The following SLC44A2 variants were observed in gnomAD, a reference collection of about 807,000 sequenced individuals.
SLC44A2 encodes choline transporter-like protein 2.
In SLC44A2, 57 loss-of-function variants were observed where a neutral mutation model predicts 90.8. That is an observed-to-expected ratio of 0.63 (90% CI 0.51 to 0.78). The LOEUF (loss-of-function observed/expected upper bound fraction) is 0.78, where lower values mean the gene tolerates loss of function less well. SLC44A2 is among the 30% of genes least tolerant of loss of function. The pLI is 0.00. For missense variants in SLC44A2, 794 were observed against 919.7 expected, an observed-to-expected ratio of 0.86 and a Z score of 1.77; for synonymous variants, 355 against 360.7, an observed-to-expected ratio of 0.98 and a Z score of 0.18.
chr19:10,627,652 C>T (rs528718248), intron 2 of SLC44A2, 70 bp from the exon 3 acceptor site: 14 of 1,531,710 alleles, frequency 9.1e-6, no homozygotes, highest in Non-Finnish European at 1.3e-5. Context: ...AGGGTGTTTG[C>T]AGAGGGCAGA....
At chr19:10,614,640 T>C (rs2066840486) in intron 1 of SLC44A2, among the ~76,000 whole-genome samples, 1 of 152,150 alleles carries the variant, frequency 6.6e-6, no homozygotes. Context: ...GTCTCTGTAT[T>C]ATATATATCG....
upstream of SLC44A2, among the ~76,000 whole-genome samples, chr19:10,623,352 C>T (rs1057319541): frequency 2.0e-5 from 3 of 151,966 alleles, no homozygotes; most frequent in Non-Finnish European, 2.9e-5. Flanking sequence ...GCCCTGCCTG[C>T]GAGTCCTAGA....
chr19:10,627,704 T>C lies in SLC44A2; in HGVS notation c.87-18T>C. 1 of 1,612,350 alleles carries C rather than the reference T, an allele frequency of 6.2e-7. No homozygotes were observed. The highest frequency in any genetic ancestry group is 1.3e-5 in the African/African-American group (1 of 74,994). On this transcript the variant is annotated intron_variant, in intron 2 of 21. Transcript: ENST00000335757. Reference sequence around the variant, plus strand: ...ACAGCACCAAGCCTCCTCCAAACACTGCCCCTCTGCTCCCCAGGGGCTGCA... The same window carrying C: ...ACAGCACCAAGCCTCCTCCAAACACCGCCCCTCTGCTCCCCAGGGGCTGCA...
upstream of SLC44A2, among the ~76,000 whole-genome samples, chr19:10,623,985 G>A (rs556159006): frequency 4.6e-4 from 66 of 143,300 alleles, no homozygotes; most frequent in African/African-American, 1.6e-3. Flanking sequence ...CACCACACCC[G>A]GCTAATTTTT....
In SLC44A2 at chr19:10,627,902, C is replaced by T. The variant is rs780367015; in HGVS notation, c.161-18C>T. On this transcript the variant is annotated intron_variant, in intron 3 of 21. Coordinates refer to ENST00000335757, the MANE Select transcript of SLC44A2 (RefSeq NM_020428.4). The stretch of plus-strand genomic sequence containing the variant: ...CTGAGGAGTGGCAGTGTCTCAGTAT[C>T]CCTGGATCTTTCCACAGCCTGGACT... The T allele has an allele frequency of 1.9e-6, 3 of 1,613,306 alleles. No individual in the cohort carries two copies. In the Admixed American group the frequency reaches 5.0e-5, roughly 27 times the overall value.
chr19:10,627,256 G>A (rs1213758773), intron 2 of SLC44A2, among the ~76,000 whole-genome samples: 2 of 151,904 alleles, frequency 1.3e-5, no homozygotes, highest in East Asian at 3.9e-4. Context: ...GGGAGGTAGA[G>A]GTTGCAGTAA....
At position 10,625,570 on chromosome 19, in the gene SLC44A2, T is replaced by C. The variant is rs1377110476; in HGVS notation, c.-64T>C. ...GCGCGGTCAGTGCCTCCCTCCAGACTCGGGAGGGTCGAGGGGGCGCGGGAG... is the reference window on the plus strand; with the variant it reads ...GCGCGGTCAGTGCCTCCCTCCAGACCCGGGAGGGTCGAGGGGGCGCGGGAG... On this transcript the variant is annotated 5_prime_UTR_variant, in exon 1 of 22. Transcript: ENST00000335757. 5 of 1,233,676 alleles carry C rather than the reference T, an allele frequency of 4.1e-6. No individual in the cohort carries two copies. The highest frequency in any genetic ancestry group is 3.1e-5 in the African/African-American group (2 of 64,214). 76.4% of individuals were successfully genotyped at this position (1,233,676 alleles called of 1,614,324 possible). A position where few individuals can be genotyped will look rare whatever the true frequency, so the allele number is the denominator to read the frequency against.
upstream of SLC44A2, chr19:10,625,362 C>G: frequency 1.2e-6 from 1 of 840,188 alleles, no homozygotes. Context: ...AGGGTGAAGC[C>G]GCAGGGTTCC....
At chr19:10,642,715 G>A (rs532809533) in intron 21 of SLC44A2, among the ~76,000 whole-genome samples, 3 of 152,134 alleles carry the variant, frequency 2.0e-5, no homozygotes, top group Admixed American at 2.0e-4. Context: ...GGCTTTGACT[G>A]GGGGGAGGGG....
In SLC44A2 at chr19:10,631,472, C is replaced by T. The variant is rs201605858; in HGVS notation, c.442-3C>T. 5.6e-4 allele frequency: 897 copies of T among 1,613,964 alleles called. 1 individual carries two copies. The highest frequency in any genetic ancestry group is 7.3e-4 in the Non-Finnish European group (859 of 1,180,038). ...ACTCACCTCCCTCCATCTCTCTTGG[C>T]AGGGAGTGGCTGAGGTGCTTCAAGA... On this transcript the variant is annotated splice_polypyrimidine_tract_variant and splice_region_variant and intron_variant, in intron 6 of 21. Transcript: ENST00000335757.
rs148651963 is a variant in SLC44A2, at chr19:10,641,254, T to C, written c.1930-1113T>C. 2.6e-3 allele frequency: 925 copies of C among 359,938 alleles called. 12 individuals are homozygous for C. The highest frequency in any genetic ancestry group is 0.018 in the African/African-American group (839 of 46,546). The allele number at this position is 359,938 out of a possible 1,614,324, so 22.3% of individuals were successfully genotyped here. ...CAAAAAAATACAAAAATTAGCTGGG[T>C]ATGCTGGAACATGCCTGTAGTCCCA... On this transcript the variant is annotated intron_variant, in intron 20 of 21. Coordinates refer to ENST00000335757, the MANE Select transcript of SLC44A2 (RefSeq NM_020428.4).
chr19:10,643,408 C>A lies in SLC44A2; in HGVS notation c.*23C>A. ...TGAAGGCCCCGTGCTCCCCACCTCT[C>A]AAGGAGTCTCATGCCGCAGGGTGCT... On this transcript the variant is annotated 3_prime_UTR_variant, in exon 22 of 22. Coordinates refer to ENST00000335757, the MANE Select transcript of SLC44A2 (RefSeq NM_020428.4). The A allele has an allele frequency of 6.3e-7, 1 of 1,594,892 alleles. No individual in the cohort carries two copies. Among genetic ancestry groups the A allele is most frequent in the South Asian group, 1.1e-5 (1 of 88,700 alleles).
Position 10,631,066 on chromosome 19 carries a change from C to T in SLC44A2, c.255C>T (p.Pro85=), listed in dbSNP as rs1033175465. The change falls in exon 5 of 22, where the codon CCC becomes CCT. Residue 85 remains proline (P), a synonymous_variant. Coordinates refer to ENST00000335757, the MANE Select transcript of SLC44A2 (RefSeq NM_020428.4). ...GQKGTKNENK[P]YLFYFNIVKC... is the part of the protein sequence containing the mutation. ...CCTTCTCTAACTCCAGGAACAAACCCTATCTGTTTTATTTCAACATTGTGA... is the reference window on the plus strand; with the variant it reads ...CCTTCTCTAACTCCAGGAACAAACCTTATCTGTTTTATTTCAACATTGTGA... The T allele has an allele frequency of 3.1e-6, 5 of 1,613,734 alleles. No individual in the cohort carries two copies. Among genetic ancestry groups the T allele is most frequent in the Non-Finnish European group, 4.2e-6 (5 of 1,179,794 alleles).
chr19:10,641,674 C>T (rs964067436), intron 20 of SLC44A2, among the ~76,000 whole-genome samples: 1 of 151,696 alleles, frequency 6.6e-6, no homozygotes, highest in African/African-American at 2.4e-5. Context: ...GGCAAAAACC[C>T]ATCTCTACAA....
In SLC44A2 at chr19:10,637,894, G is replaced by A. The variant is rs2067076164; in HGVS notation, c.1734G>A (p.Arg578=). ...IYGTNFCTSA[R]NAFFLLMRNI... is the part of the protein sequence containing the mutation. ...GCACCAATTTCTGCACCTCGGCCAG[G>A]AATGCCTTCTTCCTGCTCATGAGAA... The change falls in exon 18 of 22, where the codon AGG becomes AGA. Residue 578 remains arginine (R), a synonymous_variant. Transcript: ENST00000335757. 1 of 1,614,126 alleles carries A rather than the reference G, an allele frequency of 6.2e-7. No individual in the cohort carries two copies. The highest frequency in any genetic ancestry group is 1.1e-5 in the South Asian group (1 of 91,084).
At chr19:10,604,430 T>C (rs748882796) in intron 1 of SLC44A2, among the ~76,000 whole-genome samples, 5 of 152,204 alleles carry the variant, frequency 3.3e-5, no homozygotes, top group Non-Finnish European at 7.3e-5. Context: ...TGGAAGTAGT[T>C]CCTTCACATC....
chr19:10,642,252 CAA>C (rs1158880231), intron 20 of SLC44A2, 113 bp from the exon 21 acceptor site: 1 of 829,332 alleles, frequency 1.2e-6, no homozygotes, highest in African/African-American at 1.7e-5. Context: ...GTCACTAATC[CAA>C]AGAGGGTTTC....
chr19:10,611,931 G>T (rs1267471241), intron 1 of SLC44A2, among the ~76,000 whole-genome samples: 1 of 152,200 alleles, frequency 6.6e-6, no homozygotes, highest in Non-Finnish European at 1.5e-5. Context: ...GTCCATGGAA[G>T]ATTTTAGCTT....
chr19:10,625,835 C>A (rs1274589541), intron 1 of SLC44A2, among the ~76,000 whole-genome samples, 165 bp downstream of exon 1: 5 of 152,048 alleles, frequency 3.3e-5, no homozygotes, highest in Admixed American at 3.3e-4. Context: ...CCCCACTTAT[C>A]CCCCGCAGCC....
Sources: gnomAD v4.1 joint callset for allele counts (sites outside exome capture counted in the v4.1 genomes callset) on GRCh38, gnomAD v4.1.1 for gene constraint, MANE v1.5 for transcripts, NCBI Gene and HGNC (gene_info 2026-07-23, HGNC 2026-07-21) for gene names.